The following KIDINS220 variants were observed in gnomAD, a reference collection of about 807,000 sequenced individuals.
KIDINS220 encodes the protein kinase D-interacting substrate of 220 kDa.
In KIDINS220, 63 loss-of-function variants were observed where a neutral mutation model predicts 157.6. The ratio of observed to expected loss-of-function variants is 0.40; its 90% CI spans 0.33 to 0.49. The LOEUF is 0.49. Among genes scored for constraint, KIDINS220 ranks in the 20% least tolerant of loss-of-function variants. The pLI is 0.66. For synonymous variants in KIDINS220, 732 were observed against 783.6 expected (o/e 0.93, Z 1.10); for missense variants, 1,772 against 2,171.2 (o/e 0.82, Z 3.65).
At chr2:8,829,587 C>G (rs1041602606) in intron 1 of KIDINS220, among the ~76,000 whole-genome samples, 11 of 151,782 alleles carry the variant, frequency 7.2e-5, no homozygotes, top group Admixed American at 7.2e-4. Context: ...ATCAAAATGT[C>G]TCAAAAAATG....
chr2:8,725,549 T>G (rs1029129538), downstream of KIDINS220: 1 of 152,164 alleles, frequency 6.6e-6, no homozygotes, highest in African/African-American at 2.4e-5. Context: ...CCGAGTCTTC[T>G]TCACCCCCTT....
At chr2:8,757,691 T>C (rs778829430) in intron 22 of KIDINS220, 6 of 1,612,618 alleles carry the variant, frequency 3.7e-6, no homozygotes, top group Non-Finnish European at 5.1e-6. Flanking sequence ...GCAAATGCCA[T>C]TAAAATGGCT....
intron 1 of KIDINS220, among the ~76,000 whole-genome samples, chr2:8,831,153 T>C (rs983512733): frequency 6.6e-6 from 1 of 152,236 alleles, no homozygotes; most frequent in African/African-American, 2.4e-5. Flanking sequence ...TTTAAAGCCA[T>C]TGTAAAGATG....
intron 26 of KIDINS220, among the ~76,000 whole-genome samples, chr2:8,739,016 C>T (rs975369782): frequency 5.9e-5 from 9 of 152,106 alleles, no homozygotes; most frequent in South Asian, 2.1e-4. Context: ...ATAATAGACA[C>T]GGATCAAATT....
intron 26 of KIDINS220, among the ~76,000 whole-genome samples, chr2:8,745,023 C>A (rs1186256720): frequency 6.6e-6 from 1 of 152,130 alleles, no homozygotes; most frequent in Non-Finnish European, 1.5e-5. Flanking sequence ...ACACGATTTC[C>A]CCTTCTCCAA....
At chr2:8,766,098 G>A (rs1424944202) in intron 22 of KIDINS220, among the ~76,000 whole-genome samples, 2 of 151,996 alleles carry the variant, frequency 1.3e-5, no homozygotes, top group Admixed American at 6.6e-5. Flanking sequence ...ACCCTGCAAC[G>A]AATCCCCATC....
intron 22 of KIDINS220, among the ~76,000 whole-genome samples, chr2:8,755,933 C>G (rs889171203): frequency 1.3e-5 from 2 of 152,162 alleles, no homozygotes; most frequent in Admixed American, 1.3e-4. Flanking sequence ...CTTTGTTCTT[C>G]TTTTTCAAGG....
chr2:8,722,099 C>T (rs1011855502), downstream of KIDINS220: 3 of 152,090 alleles, frequency 2.0e-5, no homozygotes, highest in Admixed American at 1.3e-4. Flanking sequence ...CACATAACCA[C>T]GCCATATATT....
At chr2:8,759,023 C>T (rs186788730) in intron 22 of KIDINS220, among the ~76,000 whole-genome samples, 42 of 152,294 alleles carry the variant, frequency 2.8e-4, no homozygotes, top group South Asian at 6.2e-4. Flanking sequence ...GACAACAATG[C>T]GAACAGTGCC....
chr2:8,776,951 C>CT, intron 20 of KIDINS220, 59 bp from the exon 21 acceptor site: 1 of 1,528,612 alleles, frequency 6.5e-7, no homozygotes, highest in Admixed American at 2.2e-5. Context: ...GAACTTAAGG[C>CT]TTTTTGAGAT....
rs867762833 is a variant in KIDINS220, at chr2:8,802,928, A to G, written c.801+2T>C. Reference sequence around the variant, plus strand: ...GAGACAAATGTGAAATAGATGACCTACCCTGTCAGGTATGTTCACATATGT... The same window carrying G: ...GAGACAAATGTGAAATAGATGACCTGCCCTGTCAGGTATGTTCACATATGT... On this transcript the variant is annotated splice_donor_variant, in intron 8 of 29. Coordinates refer to ENST00000256707, the MANE Select transcript of KIDINS220 (RefSeq NM_020738.4). LOFTEE classifies it high-confidence loss of function. 6.2e-7 allele frequency: 1 copy of G among 1,613,038 alleles called. No individual in the cohort carries two copies. The highest frequency in any genetic ancestry group is 8.5e-7 in the Non-Finnish European group (1 of 1,179,570).
intron 22 of KIDINS220, among the ~76,000 whole-genome samples, chr2:8,762,721 A>G (rs1234056665): frequency 6.6e-6 from 1 of 152,242 alleles, no homozygotes; most frequent in Non-Finnish European, 1.5e-5. Context: ...GCTGGGCGAC[A>G]GAGCGAGACC....
At chr2:8,786,735 A>G (rs1030843274) in intron 15 of KIDINS220, among the ~76,000 whole-genome samples, 3 of 152,174 alleles carry the variant, frequency 2.0e-5, no homozygotes, top group Admixed American at 6.5e-5. Flanking sequence ...GTTGCACAAG[A>G]AAGTTTTCTA....
intron 1 of KIDINS220, 62 bp from the exon 2 acceptor site, chr2:8,827,191 A>T: frequency 1.5e-6 from 1 of 646,230 alleles, no homozygotes. Context: ...ACTATTAAAT[A>T]CAATATCCTT....
intron 1 of KIDINS220, among the ~76,000 whole-genome samples, chr2:8,833,973 C>T (rs1032049729): frequency 6.6e-6 from 1 of 152,174 alleles, no homozygotes; most frequent in Non-Finnish European, 1.5e-5. Flanking sequence ...AACAATAGTG[C>T]CATGCTGCCC....
chr2:8,814,431 A>G lies in KIDINS220; in HGVS notation c.307-1096T>C, dbSNP rs572871614. ...TATTCATAAGTCCATACTGAAATAG[A>G]AAGATATAGATAGATATATAGATGA... On this transcript the variant is annotated intron_variant, in intron 4 of 29. Transcript: ENST00000256707. Among the ~76,000 whole-genome samples, 7 of 152,328 alleles carry G rather than the reference A, an allele frequency of 4.6e-5. No individual in the cohort carries two copies. The South Asian group carries it at 1.5e-3, about 32-fold the overall frequency.
At chr2:8,728,321 T>TCAAACAAACAAA (rs142900998), downstream of KIDINS220, among the ~76,000 whole-genome samples, 2 of 151,124 alleles carry the variant, frequency 1.3e-5, no homozygotes, top group African/African-American at 4.9e-5. Context: ...AGAGACTGCC[T>TCAAACAAACAAA]CAAACAAACA....
intron 17 of KIDINS220, among the ~76,000 whole-genome samples, chr2:8,781,808 C>T (rs997865495): frequency 1.6e-4 from 25 of 152,284 alleles, no homozygotes; most frequent in Admixed American, 4.6e-4. Flanking sequence ...TGCATATATT[C>T]GTAAAGAAGA....
At chr2:8,726,762 G>A (rs1663362991), downstream of KIDINS220, 1 of 420,578 alleles carries the variant, frequency 2.4e-6, no homozygotes, top group Non-Finnish European at 4.6e-6. Context: ...CATAGAAAAA[G>A]GACGGTAAAA....
Sources: gnomAD v4.1 joint callset for allele counts (sites outside exome capture counted in the v4.1 genomes callset) on GRCh38, gnomAD v4.1.1 for gene constraint, MANE v1.5 for transcripts, NCBI Gene and HGNC (gene_info 2026-07-23, HGNC 2026-07-21) for gene names.